Variants in TSGA10 observed in about 807,000 individuals in gnomAD.
The protein encoded by TSGA10 is testis-specific gene 10 protein.
Under a neutral mutation model 96.6 loss-of-function variants are expected in TSGA10, and 43 were observed. The ratio of observed to expected loss-of-function variants is 0.44; its 90% CI spans 0.35 to 0.57. TSGA10 has a LOEUF of 0.57. TSGA10 is among the 20% of genes least tolerant of loss of function. The pLI is 0.01. For missense variants in TSGA10, 703 were observed against 834.4 expected (o/e 0.84, Z 1.94); for synonymous variants, 229 against 269.9 (o/e 0.85, Z 1.48).
chr2:99,040,787 C>A (rs1180611083), intron 16 of TSGA10, among the ~76,000 whole-genome samples: 2 of 151,538 alleles, frequency 1.3e-5, no homozygotes, highest in Non-Finnish European at 2.9e-5. Flanking sequence ...TCCTAAAATT[C>A]GTATATGACT....
intron 20 of TSGA10, among the ~76,000 whole-genome samples, chr2:99,007,867 A>C (rs745535601): frequency 6.6e-6 from 1 of 152,334 alleles, no homozygotes; most frequent in Admixed American, 6.5e-5. Flanking sequence ...AAAATACCAC[A>C]TAGCCTCTAT....
At chr2:99,101,900 G>A in intron 10 of TSGA10, 1 of 594,228 alleles carries the variant, frequency 1.7e-6, no homozygotes, top group Non-Finnish European at 3.0e-6. Context: ...GGGAAATAGG[G>A]AGTGCTGTTC....
rs199660787 is a variant in TSGA10, at chr2:99,108,890, C to T, written c.153G>A (p.Gln51=). The T allele has an allele frequency of 6.2e-7, 1 of 1,607,340 alleles. No individual in the cohort carries two copies. Among genetic ancestry groups the T allele is most frequent in the Non-Finnish European group, 8.5e-7 (1 of 1,178,028 alleles). ...CAGATTTAAGAACCTTGACATTACC[C>T]TGAATTTCTGCCAAATGGCGCTCAT... ...EKYERHLAEI[Q]GNVKVLKSER... is the part of the protein sequence containing the mutation. The change falls in exon 7 of 21, where the codon CAG becomes CAA. Residue 51 remains glutamine (Q), a synonymous_variant. Transcript: ENST00000393483.
In TSGA10 at chr2:99,087,257, G is replaced by A. The variant is rs1428901321; in HGVS notation, c.612-5860C>T. Among the ~76,000 whole-genome samples the A allele has an allele frequency of 8.6e-5, 13 of 151,584 alleles. 1 individual carries two copies. In the South Asian group the frequency reaches 1.5e-3, roughly 17 times the overall value. ...CACGGTAGCTAATGCCTGTAATCCC[G>A]TCACTTTGGGAGGTCGAGGCAGGCA... On this transcript the variant is annotated intron_variant, in intron 10 of 20. Transcript: ENST00000393483.
At chr2:99,003,532 T>C (rs1428168691) in intron 20 of TSGA10, among the ~76,000 whole-genome samples, 3 of 152,190 alleles carry the variant, frequency 2.0e-5, no homozygotes, top group Non-Finnish European at 4.4e-5. Flanking sequence ...TATTCCAAAA[T>C]TGACCACATA....
intron 10 of TSGA10, among the ~76,000 whole-genome samples, chr2:99,097,551 C>T (rs1027203663): frequency 1.3e-5 from 2 of 152,026 alleles, no homozygotes; most frequent in Non-Finnish European, 2.9e-5. Context: ...CAGGTAATCA[C>T]TAAAAGAATA....
At chr2:99,079,041 T>C (rs1297988500) in intron 11 of TSGA10, 1 of 342,340 alleles carries the variant, frequency 2.9e-6, no homozygotes, top group Non-Finnish European at 5.2e-6. Context: ...TAACAATGAA[T>C]TAGAATAGTG....
At position 99,047,826 on chromosome 2, in the gene TSGA10, T is replaced by C. The variant is rs1365599055; in HGVS notation, c.1405-12387A>G. ...TGATTGTATATTTAGAAAACCCCAT[T>C]GTCTCAGCCCAAAATCTCCTTAAGC... On this transcript the variant is annotated intron_variant, in intron 16 of 20. Transcript: ENST00000393483. Among the ~76,000 whole-genome samples the C allele has an allele frequency of 3.3e-5, 5 of 152,250 alleles. No individual in the cohort carries two copies. In the East Asian group the frequency reaches 5.8e-4, roughly 18 times the overall value.
intron 12 of TSGA10, among the ~76,000 whole-genome samples, chr2:99,075,393 G>A (rs2086582926): frequency 6.6e-6 from 1 of 151,880 alleles, no homozygotes; most frequent in South Asian, 2.1e-4. Flanking sequence ...AAATAATTCT[G>A]GTTTTTCTTA....
At chr2:99,149,737 C>T (rs1429087240) in intron 1 of TSGA10, among the ~76,000 whole-genome samples, 8 of 149,176 alleles carry the variant, frequency 5.4e-5, no homozygotes, top group Non-Finnish European at 7.4e-5. Context: ...CCACTGCGCT[C>T]GGCCGATCAT....
At chr2:99,015,371 C>A (rs2104911086) in intron 20 of TSGA10, among the ~76,000 whole-genome samples, 1 of 152,180 alleles carries the variant, frequency 6.6e-6, no homozygotes, top group Non-Finnish European at 1.5e-5. Context: ...ATCACATAAA[C>A]AAACTTAAAA....
chr2:99,144,044 G>A (rs2093605685), intron 1 of TSGA10, among the ~76,000 whole-genome samples: 1 of 151,292 alleles, frequency 6.6e-6, no homozygotes, highest in Non-Finnish European at 1.5e-5. Flanking sequence ...TTTTTGAGAT[G>A]GAGTCTCGCT....
intron 20 of TSGA10, among the ~76,000 whole-genome samples, chr2:98,999,210 T>TA (rs1313691996): frequency 6.6e-6 from 1 of 151,774 alleles, no homozygotes; most frequent in Non-Finnish European, 1.5e-5. Context: ...CTATAATCAT[T>TA]AAAAAAAAGT....
intron 16 of TSGA10, among the ~76,000 whole-genome samples, chr2:99,057,238 A>G (rs897350329): frequency 6.6e-6 from 1 of 152,148 alleles, no homozygotes; most frequent in Non-Finnish European, 1.5e-5. Flanking sequence ...TAGGCAAGAA[A>G]ATAAAATAAA....
chr2:99,087,145 A>G (rs758883484), intron 10 of TSGA10, among the ~76,000 whole-genome samples: 2 of 152,152 alleles, frequency 1.3e-5, no homozygotes, highest in East Asian at 1.9e-4. Flanking sequence ...CAGAGCTTGC[A>G]GTGAGCCAAG....
chr2:99,128,607 A>G (rs543401802), intron 1 of TSGA10, among the ~76,000 whole-genome samples: 1 of 152,324 alleles, frequency 6.6e-6, no homozygotes, highest in South Asian at 2.1e-4. Context: ...CCACATGTTG[A>G]ATCATGCTGT....
chr2:99,144,615 C>T (rs1273171242), intron 1 of TSGA10, among the ~76,000 whole-genome samples: 5 of 119,114 alleles, frequency 4.2e-5, no homozygotes, highest in African/African-American at 1.5e-4. Flanking sequence ...TGCCATCGCC[C>T]TCCAGCCTGG....
chr2:99,072,986 G>A, intron 13 of TSGA10, 32 bp downstream of exon 13: 1 of 1,540,622 alleles, frequency 6.5e-7, no homozygotes, highest in Non-Finnish European at 8.9e-7. Context: ...CCCCCAGTAA[G>A]AGCTCATATA....
intron 19 of TSGA10, 92 bp downstream of exon 19, chr2:99,018,444 T>C: frequency 6.4e-6 from 10 of 1,567,152 alleles, no homozygotes; most frequent in Non-Finnish European, 8.7e-6. Flanking sequence ...AATCTAACCA[T>C]CATGAAAGAA....
Sources: allele counts gnomAD v4.1 joint callset (sites outside exome capture counted in the v4.1 genomes callset), GRCh38; gene constraint gnomAD v4.1.1; transcripts MANE v1.5; gene names NCBI Gene and HGNC (gene_info 2026-07-23, HGNC 2026-07-21).